MCTP2: variants seen among roughly 807,000 people sequenced by gnomAD.
The protein encoded by MCTP2 is multiple C2 and transmembrane domain-containing protein 2.
MCTP2 carries 132 observed loss-of-function variants against 111.6 expected under a neutral mutation model. The observed-to-expected ratio is 1.18, with a 90% confidence interval of 1.03 to 1.37. MCTP2 has a LOEUF of 1.37. MCTP2 is among the 40% of genes most tolerant of loss of function. MCTP2 has a pLI of 0.00. For missense variants in MCTP2, 1,183 were observed against 1,067.9 expected (o/e 1.11, Z -1.50); for synonymous variants, 395 against 387.7 (o/e 1.02, Z -0.22).
In MCTP2 at chr15:94,315,555, G is replaced by C; in HGVS notation, c.555G>C (p.Leu185Phe). The C allele has an allele frequency of 3.1e-6, 5 of 1,614,054 alleles. No individual in the cohort carries two copies. Among genetic ancestry groups the C allele is most frequent in the Middle Eastern group, 1.7e-4 (1 of 6,060 alleles). Residue 185 changes from leucine (L) to phenylalanine (F), a missense_variant, in exon 4 of 23, where the codon TTG becomes TTC. Coordinates refer to ENST00000357742, the MANE Select transcript of MCTP2 (RefSeq NM_001385001.1). The stretch of plus-strand genomic sequence containing the variant: ...TACCGGGGGAAGCCAGTGATGGCTT[G>C]AGTAACCTCCCCAGCCCTTTTGCGT... ...QSVPGEASDG[L>F]SNLPSPFAYL...
chr15:94,367,706 C>T lies in MCTP2; in HGVS notation c.1403C>T (p.Thr468Ile), dbSNP rs772742723. Residue 468 changes from threonine to isoleucine, a missense_variant, in exon 11 of 23, where the codon ACA (threonine) becomes ATA (isoleucine). Coordinates refer to ENST00000357742, the MANE Select transcript of MCTP2 (RefSeq NM_001385001.1). ...GCTCTCCTTATGTTGGTCACACTTA[C>T]ACCCTGTGCGGGGGTCTCCGTCTCT... ...LGALLMLVTL[T>I]PCAGVSVSDL... The T allele has an allele frequency of 1.9e-6, 3 of 1,610,980 alleles. No individual in the cohort carries two copies. Among genetic ancestry groups the T allele is most frequent in the African/African-American group, 2.7e-5 (2 of 74,622 alleles).
chr15:94,266,072 G>A lies in MCTP2; in HGVS notation c.-65-32129G>A, dbSNP rs976574167. 2.7e-4 allele frequency among the ~76,000 whole-genome samples: 15 copies of A among 55,182 alleles called. No homozygotes were observed. In the South Asian group the frequency reaches 4.8e-3, roughly 18 times the overall value. The allele number at this position is 55,182 out of a possible 152,430, so 36.2% of individuals were successfully genotyped here. A position where few individuals can be genotyped will look rare whatever the true frequency, so the allele number is the denominator to read the frequency against. On this transcript the variant is annotated intron_variant, in intron 1 of 22. Transcript: ENST00000357742. ...GTGCTGTACACATACACGTGCATGCGTGTGCGCGCACACACACACACACGT... is the reference window on the plus strand; with the variant it reads ...GTGCTGTACACATACACGTGCATGCATGTGCGCGCACACACACACACACGT...
chr15:94,417,845 A>C (rs556645089), intron 17 of MCTP2, among the ~76,000 whole-genome samples: 1 of 152,244 alleles, frequency 6.6e-6, no homozygotes, highest in South Asian at 2.1e-4. Context: ...ACTAATCACT[A>C]TTGGAGGGTT....
intron 17 of MCTP2, among the ~76,000 whole-genome samples, chr15:94,425,920 G>A (rs1200237823): frequency 6.6e-6 from 1 of 152,068 alleles, no homozygotes; most frequent in African/African-American, 2.4e-5. Flanking sequence ...TTAGAGGCAA[G>A]TTTTACCAAA....
At chr15:94,412,441 G>A (rs1055450068) in intron 17 of MCTP2, among the ~76,000 whole-genome samples, 2 of 152,062 alleles carry the variant, frequency 1.3e-5, no homozygotes, top group South Asian at 2.1e-4. Context: ...TGACTCTTCC[G>A]TTGGAACAGG....
chr15:94,430,678 G>T (rs986326002), intron 17 of MCTP2, among the ~76,000 whole-genome samples: 1 of 152,068 alleles, frequency 6.6e-6, no homozygotes, highest in South Asian at 2.1e-4. Flanking sequence ...AACCTGGGAG[G>T]TGGAGGTTGC....
intron 1 of MCTP2, among the ~76,000 whole-genome samples, chr15:94,282,703 T>C (rs2074549903): frequency 6.6e-6 from 1 of 152,252 alleles, no homozygotes; most frequent in African/African-American, 2.4e-5. Context: ...ACTGTCTTTT[T>C]GATGGGGCTT....
chr15:94,351,828 C>T (rs2078320280), intron 8 of MCTP2, among the ~76,000 whole-genome samples: 1 of 152,200 alleles, frequency 6.6e-6, no homozygotes, highest in African/African-American at 2.4e-5. Flanking sequence ...TGTAATCTTG[C>T]TTTAGATGGC....
At chr15:94,298,761 T>C (rs549225687) in intron 2 of MCTP2, 31 bp downstream of exon 2, 4 of 1,408,354 alleles carry the variant, frequency 2.8e-6, no homozygotes, top group Non-Finnish European at 3.8e-6. Context: ...TCTTTTTTTT[T>C]GTCTCTCTCT....
intron 1 of MCTP2, among the ~76,000 whole-genome samples, chr15:94,232,276 C>CTT (rs35366284): frequency 1.3e-5 from 2 of 152,160 alleles, no homozygotes; most frequent in Admixed American, 6.5e-5. Context: ...GTGCTGACGG[C>CTT]TTTTTTTAAA....
chr15:94,393,657 C>T (rs985000675), intron 14 of MCTP2, among the ~76,000 whole-genome samples: 1 of 152,148 alleles, frequency 6.6e-6, no homozygotes, highest in African/African-American at 2.4e-5. Context: ...GTAAAAAATA[C>T]TGGCAGTATC....
intron 19 of MCTP2, among the ~76,000 whole-genome samples, chr15:94,455,106 G>T (rs1183545769): frequency 6.6e-6 from 1 of 152,246 alleles, no homozygotes; most frequent in Non-Finnish European, 1.5e-5. Context: ...GCAGGCGTGA[G>T]CCACCACTCC....
chr15:94,270,905 A>G (rs1361051606), intron 1 of MCTP2, among the ~76,000 whole-genome samples: 2 of 152,214 alleles, frequency 1.3e-5, no homozygotes, highest in African/African-American at 4.8e-5. Flanking sequence ...CATGTAAGCA[A>G]GTACTCTGCC....
chr15:94,317,230 TA>T (rs2076415276), intron 4 of MCTP2, among the ~76,000 whole-genome samples: 1 of 152,228 alleles, frequency 6.6e-6, no homozygotes, highest in Non-Finnish European at 1.5e-5. Flanking sequence ...TATTTTCTTT[TA>T]CATGTTTGAT....
intron 2 of MCTP2, among the ~76,000 whole-genome samples, chr15:94,310,352 A>C (rs2076068355): frequency 6.6e-6 from 1 of 152,134 alleles, no homozygotes; most frequent in Non-Finnish European, 1.5e-5. Flanking sequence ...AATAGCACAG[A>C]GGCATTTTTT....
intron 1 of MCTP2, among the ~76,000 whole-genome samples, chr15:94,289,472 CT>C (rs1275261975): frequency 6.6e-6 from 1 of 151,972 alleles, no homozygotes; most frequent in Non-Finnish European, 1.5e-5. Flanking sequence ...ACAAGAAGGC[CT>C]TCTTAAACAG....
At chr15:94,280,085 C>G (rs1202429267) in intron 1 of MCTP2, among the ~76,000 whole-genome samples, 3 of 152,040 alleles carry the variant, frequency 2.0e-5, no homozygotes, top group Non-Finnish European at 4.4e-5. Context: ...GTATTGATAT[C>G]AGAATGATGC....
intron 2 of MCTP2, among the ~76,000 whole-genome samples, chr15:94,309,003 G>A (rs144793841): frequency 6.6e-6 from 1 of 152,294 alleles, no homozygotes; most frequent in African/African-American, 2.4e-5. Flanking sequence ...CACTTTTAGA[G>A]ACCAGTCTTG....
chr15:94,470,221 T>C (rs1295350206), intron 20 of MCTP2, 112 bp from the exon 21 acceptor site: 1 of 794,846 alleles, frequency 1.3e-6, no homozygotes, highest in East Asian at 2.6e-5. Flanking sequence ...ATTTTTCCAA[T>C]AGACTGTAAA....
Sources: gnomAD v4.1 joint callset for allele counts (sites outside exome capture counted in the v4.1 genomes callset) on GRCh38, gnomAD v4.1.1 for gene constraint, MANE v1.5 for transcripts, NCBI Gene and HGNC (gene_info 2026-07-23, HGNC 2026-07-21) for gene names.